Variants in GATA4 observed in about 807,000 individuals in gnomAD.
The protein encoded by GATA4 is transcription factor GATA-4.
In GATA4, 7 loss-of-function variants were observed where a neutral mutation model predicts 37.9. The ratio of observed to expected loss-of-function variants is 0.18; its 90% CI spans 0.11 to 0.35. The LOEUF is 0.35. Among genes scored for constraint, GATA4 ranks in the 10% least tolerant of loss-of-function variants. GATA4 has a pLI of 1.00. For synonymous variants in GATA4, 372 were observed against 292.6 expected (o/e 1.27, Z -2.77); for missense variants, 647 against 653.0 (o/e 0.99, Z 0.10).
chr8:11,690,857 A>G (rs1412708699), upstream of GATA4, among the ~76,000 whole-genome samples: 1 of 152,170 alleles, frequency 6.6e-6, no homozygotes, highest in Non-Finnish European at 1.5e-5. Context: ...GGTGAAAGGG[A>G]AACACCCTGT....
At chr8:11,721,517 G>C (rs1027073426) in intron 2 of GATA4, among the ~76,000 whole-genome samples, 2 of 151,972 alleles carry the variant, frequency 1.3e-5, no homozygotes, top group African/African-American at 4.8e-5. Context: ...CTCCCGCTGA[G>C]TCACCCATTT....
chr8:11,736,329 C>T (rs1051587174), intron 2 of GATA4, among the ~76,000 whole-genome samples: 1 of 152,212 alleles, frequency 6.6e-6, no homozygotes, highest in African/African-American at 2.4e-5. Context: ...AGGTAGGAGC[C>T]TAGAAATCAT....
intron 4 of GATA4, 25 bp downstream of exon 4, chr8:11,750,261 G>T: frequency 6.2e-7 from 1 of 1,610,352 alleles, no homozygotes; most frequent in Non-Finnish European, 8.5e-7. Context: ...CGCCCATGCG[G>T]CATCCTTGCC....
upstream of GATA4, chr8:11,700,754 G>A (rs1799648691): frequency 6.6e-6 from 1 of 152,278 alleles, no homozygotes; most frequent in African/African-American, 2.4e-5. Context: ...TCCATATCTT[G>A]GAGGAATTCG....
At chr8:11,742,314 T>A (rs1366245578) in intron 2 of GATA4, among the ~76,000 whole-genome samples, 3 of 152,144 alleles carry the variant, frequency 2.0e-5, no homozygotes, top group African/African-American at 7.2e-5. Flanking sequence ...CCCTATCATT[T>A]GTTCTTCAAC....
In GATA4 at chr8:11,677,911, G is replaced by C. The variant is rs78532987; in HGVS notation, c.-274+848G>C. Reference sequence around the variant, plus strand: ...GTGGCTAATGCTTTTGGTTGCACACGCTTTTGCATACAAGTCGAAATTACC... The same window carrying C: ...GTGGCTAATGCTTTTGGTTGCACACCCTTTTGCATACAAGTCGAAATTACC... On this transcript the variant is annotated intron_variant, in intron 1 of 6. Coordinates refer to the GATA4 transcript ENST00000528712. 2.8e-3 allele frequency among the ~76,000 whole-genome samples: 426 copies of C among 152,038 alleles called. 1 individual carries two copies. The highest frequency in any genetic ancestry group is 4.9e-3 in the Non-Finnish European group (335 of 68,002).
intron 1 of GATA4, among the ~76,000 whole-genome samples, chr8:11,695,151 A>G (rs932302216): frequency 3.9e-5 from 6 of 152,118 alleles, no homozygotes; most frequent in Non-Finnish European, 7.4e-5. Context: ...CACTCCTTTA[A>G]TCCCAGCACT....
chr8:11,692,673 G>T, intron 1 of GATA4: 1 of 985,178 alleles, frequency 1.0e-6, no homozygotes, highest in Non-Finnish European at 1.2e-6. Flanking sequence ...GCGTGCGGGG[G>T]TGCGGGGGTG....
intron 1 of GATA4, among the ~76,000 whole-genome samples, chr8:11,696,576 T>A (rs1318290153): frequency 6.6e-6 from 1 of 152,216 alleles, no homozygotes; most frequent in African/African-American, 2.4e-5. Flanking sequence ...GTTTTGAAAA[T>A]AACAACAATA....
In GATA4 at chr8:11,707,317, GT is replaced by G. The variant is rs34913959; in HGVS notation, c.-457-525del. Among the ~76,000 whole-genome samples the G allele has an allele frequency of 0.2, 29,084 of 143,396 alleles. 4,600 individuals are homozygous for G. The highest frequency in any genetic ancestry group is 0.44 in the African/African-American group (17,623 of 39,648). 94.1% of individuals were successfully genotyped at this position (143,396 alleles called of 152,430 possible). On this transcript the variant is annotated intron_variant, in intron 1 of 6. Coordinates refer to ENST00000532059, the MANE Select transcript of GATA4 (RefSeq NM_001308093.3). The surrounding 1 kb of genome is among the most constrained non-coding windows in gnomAD (Gnocchi z 4.7). Reference sequence around the variant, plus strand: ...TATAAACATTTGGACTCTACTTCTGGTTTTTTTTTTTTTTAATTACAAACAA... The same window carrying G: ...TATAAACATTTGGACTCTACTTCTGGTTTTTTTTTTTTTAATTACAAACAA...
intron 1 of GATA4, among the ~76,000 whole-genome samples, chr8:11,677,332 T>C (rs62489310): frequency 0.018 from 2,709 of 152,314 alleles, 34 homozygotes; most frequent in Non-Finnish European, 0.026. Flanking sequence ...TTTCTTTCTG[T>C]GTCCCTCCTT....
intron 1 of GATA4, chr8:11,692,786 G>A: frequency 2.0e-6 from 2 of 982,614 alleles, no homozygotes; most frequent in Non-Finnish European, 2.4e-6. Flanking sequence ...GGCTGCCGAG[G>A]GGAGGAAGCG....
At chr8:11,720,607 C>G (rs925021086) in intron 2 of GATA4, among the ~76,000 whole-genome samples, 1 of 152,196 alleles carries the variant, frequency 6.6e-6, no homozygotes, top group Admixed American at 6.5e-5. Context: ...CTCCCACCCT[C>G]CACTCTCAAT....
At chr8:11,703,330 G>C (rs1337227111), upstream of GATA4, among the ~76,000 whole-genome samples, 3 of 152,096 alleles carry the variant, frequency 2.0e-5, no homozygotes, top group Non-Finnish European at 2.9e-5. Flanking sequence ...GGGACTCTCC[G>C]GCTCGCAGCC....
At chr8:11,731,167 A>T (rs1300537540) in intron 2 of GATA4, among the ~76,000 whole-genome samples, 1 of 152,198 alleles carries the variant, frequency 6.6e-6, no homozygotes, top group Non-Finnish European at 1.5e-5. Context: ...TCTTATGAAG[A>T]CCCGGTTTTG....
At chr8:11,757,185 C>A in intron 6 of GATA4, 102 bp downstream of exon 6, 1 of 1,508,370 alleles carries the variant, frequency 6.6e-7, no homozygotes. Flanking sequence ...CCAGGCCTCA[C>A]AGGTGCAAGC....
intron 2 of GATA4, among the ~76,000 whole-genome samples, chr8:11,711,759 A>C (rs924321108): frequency 2.0e-5 from 3 of 151,704 alleles, no homozygotes; most frequent in African/African-American, 7.3e-5. Flanking sequence ...AAAAAAAAAA[A>C]AAAAAAAAAA....
intron 2 of GATA4, among the ~76,000 whole-genome samples, chr8:11,730,261 T>C (rs73663202): frequency 1.3e-5 from 2 of 152,276 alleles, no homozygotes; most frequent in African/African-American, 4.8e-5. Flanking sequence ...CTGTCTTCGC[T>C]GCAGGAGTGA....
At position 11,677,051 on chromosome 8, in the gene GATA4, CTCCCCACCGCGGGTGAG is replaced by C. The variant is rs1389833791; in HGVS notation, c.-280_-274+10del. The C allele has an allele frequency of 6.6e-6, 1 of 152,606 alleles. No individual in the cohort carries two copies. The highest frequency in any genetic ancestry group is 2.4e-5 in the African/African-American group (1 of 41,470). The allele number at this position is 152,606 out of a possible 1,614,324, so 9.5% of individuals were successfully genotyped here. A position where few individuals can be genotyped will look rare whatever the true frequency, so the allele number is the denominator to read the frequency against. On this transcript the variant is annotated splice_donor_variant and splice_donor_5th_base_variant and 5_prime_UTR_variant and intron_variant, in exon 1 of 7. Transcript: ENST00000528712. LOFTEE classifies it low-confidence loss of function (5UTR_SPLICE). ...GCCTTGAGCAGCCGCAGGGACGCCG[CTCCCCACCGCGGGTGAG>C]TCCCCTCCTGGCCCTCCTGGTGACC...
Sources: allele counts gnomAD v4.1 joint callset (sites outside exome capture counted in the v4.1 genomes callset), GRCh38; gene constraint gnomAD v4.1.1; non-coding constraint Gnocchi (gnomAD v3.1); transcripts MANE v1.5; gene names NCBI Gene and HGNC (gene_info 2026-07-23, HGNC 2026-07-21).